The following PTPRZ1 variants were observed in gnomAD, a reference collection of about 807,000 sequenced individuals.
The protein encoded by PTPRZ1 is receptor-type tyrosine-protein phosphatase zeta.
PTPRZ1 carries 82 observed loss-of-function variants against 214.1 expected under a neutral mutation model. The observed-to-expected ratio is 0.38, with a 90% CI of 0.32 to 0.46. PTPRZ1 has a LOEUF of 0.46. PTPRZ1 is among the 20% of genes least tolerant of loss of function. PTPRZ1 has a pLI of 1.00. For synonymous variants in PTPRZ1, 945 were observed against 987.9 expected (o/e 0.96, Z 0.81); for missense variants, 2,603 against 2,748.7 (o/e 0.95, Z 1.19).
At chr7:122,017,546 T>TATTTATTTATTTATTA (rs1554363691) in intron 12 of PTPRZ1, among the ~76,000 whole-genome samples, 4 of 146,064 alleles carry the variant, frequency 2.7e-5, no homozygotes, top group African/African-American at 1.1e-4. Context: ...TACATTTATT[T>TATTTATTTATTTATTA]ATTTATTTAT....
chr7:122,036,548 G>T, intron 17 of PTPRZ1, 52 bp from the exon 18 acceptor site: 1 of 1,147,622 alleles, frequency 8.7e-7, no homozygotes, highest in Middle Eastern at 2.1e-4. Context: ...AATTATCTTT[G>T]TGCTGAAAAG....
chr7:122,047,040 G>A (rs867718842), intron 23 of PTPRZ1, among the ~76,000 whole-genome samples: 26 of 152,156 alleles, frequency 1.7e-4, no homozygotes, highest in African/African-American at 5.1e-4. Flanking sequence ...TCGGGACAGC[G>A]GAATATACTA....
In PTPRZ1 at chr7:121,891,451, C is replaced by CTTTTTTTTTTTTTTT. The variant is rs58135453; in HGVS notation, c.58+17910_58+17924dup. Reference sequence around the variant, plus strand: ...AAATATTTGTTGAATAAAACAACCTCTTTTTTTTTTTTTTTTTTTTTTTTT... The same window carrying CTTTTTTTTTTTTTTT: ...AAATATTTGTTGAATAAAACAACCTCTTTTTTTTTTTTTTTTTTTTTTTTTTTTTTTTTTTTTTTT... On this transcript the variant is annotated intron_variant, in intron 1 of 29. Transcript: ENST00000393386. Among the ~76,000 whole-genome samples, 130 of 35,744 alleles carry CTTTTTTTTTTTTTTT rather than the reference C, an allele frequency of 3.6e-3. 4 individuals carry two copies. Among genetic ancestry groups the CTTTTTTTTTTTTTTT allele is most frequent in the Non-Finnish European group, 4.9e-3 (94 of 19,364 alleles). The allele number at this position is 35,744 out of a possible 152,430, so 23.4% of individuals were successfully genotyped here.
At chr7:121,956,484 G>A (rs899999744) in intron 2 of PTPRZ1, among the ~76,000 whole-genome samples, 1 of 152,198 alleles carries the variant, frequency 6.6e-6, no homozygotes, top group Non-Finnish European at 1.5e-5. Flanking sequence ...TTCACATTTA[G>A]CATGTTTTTA....
intron 1 of PTPRZ1, among the ~76,000 whole-genome samples, chr7:121,906,383 TTAAAA>T (rs1268174950): frequency 2.0e-5 from 3 of 152,302 alleles, no homozygotes; most frequent in African/African-American, 7.2e-5. Flanking sequence ...GTAGTAGTAG[TTAAAA>T]TAAAACTATA....
At chr7:121,914,474 T>A (rs1206980064) in intron 1 of PTPRZ1, among the ~76,000 whole-genome samples, 2 of 152,166 alleles carry the variant, frequency 1.3e-5, no homozygotes, top group South Asian at 2.1e-4. Flanking sequence ...CTGGAGAGAA[T>A]GAAAGGCGTC....
At chr7:122,037,168 G>A (rs1320535377) in intron 18 of PTPRZ1, among the ~76,000 whole-genome samples, 3 of 151,918 alleles carry the variant, frequency 2.0e-5, no homozygotes, top group African/African-American at 4.8e-5. Context: ...CCAGCTACTC[G>A]GGAGGCTGAG....
At chr7:122,016,352 G>A (rs1798838202) in intron 12 of PTPRZ1, among the ~76,000 whole-genome samples, 1 of 151,338 alleles carries the variant, frequency 6.6e-6, no homozygotes, top group Non-Finnish European at 1.5e-5. Flanking sequence ...TTTTAATTTA[G>A]GTAACTCATA....
intron 5 of PTPRZ1, 32 bp downstream of exon 5, chr7:121,976,300 T>C: frequency 7.8e-7 from 1 of 1,285,580 alleles, no homozygotes; most frequent in Non-Finnish European, 1.1e-6. Context: ...CTAATGTAAT[T>C]CCTTTTTAAG....
chr7:122,058,385 T>A (rs907745112), intron 27 of PTPRZ1, among the ~76,000 whole-genome samples: 1 of 152,140 alleles, frequency 6.6e-6, no homozygotes, highest in East Asian at 1.9e-4. Flanking sequence ...TGTCATGCAA[T>A]CTTTTACTTA....
At position 121,997,947 on chromosome 7, in the gene PTPRZ1, A is replaced by G. The variant is rs756843356; in HGVS notation, c.1181A>G (p.Asn394Ser). Residue 394 changes from asparagine to serine, a missense_variant, in exon 10 of 30, where the codon AAT becomes AGT. Physicochemically the swap from Asn to Ser is conservative, Grantham distance 46. This residue lies in a region of PTPRZ1 where 244 missense variants were observed against 333.2 expected (regional missense o/e 0.73). Coordinates refer to ENST00000393386, the MANE Select transcript of PTPRZ1 (RefSeq NM_002851.3). Reference protein sequence around the residue: ...YVLQIVAICTNGLYGKYSDQL... With the variant: ...YVLQIVAICTSGLYGKYSDQL... ...CTTCAGATAGTAGCCATATGCACTA[A>G]TGGCTTATATGGAAAATACAGCGAC... is the stretch of plus-strand genomic sequence containing the variant. 4.3e-6 allele frequency: 7 copies of G among 1,612,938 alleles called. No individual in the cohort carries two copies. The highest frequency in any genetic ancestry group is 2.7e-5 in the African/African-American group (2 of 74,900).
intron 4 of PTPRZ1, among the ~76,000 whole-genome samples, chr7:121,974,473 T>C (rs1276413830): frequency 6.6e-6 from 1 of 152,136 alleles, no homozygotes; most frequent in Non-Finnish European, 1.5e-5. Flanking sequence ...CTCAGTGGTA[T>C]TGGGGTTTTG....
chr7:122,029,094 G>A (rs1584758355), intron 14 of PTPRZ1, among the ~76,000 whole-genome samples: 1 of 131,900 alleles, frequency 7.6e-6, no homozygotes, highest in South Asian at 2.4e-4. Context: ...TGTGAGAAAA[G>A]GGTTTTTTTT....
intron 2 of PTPRZ1, among the ~76,000 whole-genome samples, chr7:121,937,724 C>T (rs973228998): frequency 1.3e-5 from 2 of 152,284 alleles, no homozygotes; most frequent in African/African-American, 4.8e-5. Context: ...ACTTCATTCC[C>T]TTAGGGGATG....
At position 122,040,949 on chromosome 7, in the gene PTPRZ1, A is replaced by T. The variant is rs747111675; in HGVS notation, c.5771A>T (p.His1924Leu). Residue 1924 changes from histidine to leucine, a missense_variant, in exon 21 of 30, where the codon CAT (histidine) becomes CTT (leucine). Physicochemically the swap from His to Leu is moderately conservative, Grantham distance 99 (BLOSUM62 -3). Around this residue, in one of 6 missense-constraint regions of PTPRZ1, gnomAD observed 1,913 missense variants for 1,914.3 expected, o/e 1.00. Coordinates refer to ENST00000393386, the MANE Select transcript of PTPRZ1 (RefSeq NM_002851.3). ...AGAAAGGCAGCCTATGCCAAGCGCC[A>T]TGCAGTGGGGCCTGTTGTCGTCCAC... ...FVRKAAYAKR[H>L]AVGPVVVHCS... 5 of 1,587,452 alleles carry T rather than the reference A, an allele frequency of 3.1e-6. No homozygotes were observed. Among genetic ancestry groups the T allele is most frequent in the Non-Finnish European group, 1.7e-6 (2 of 1,160,622 alleles).
At chr7:121,907,719 T>G (rs1173587061) in intron 1 of PTPRZ1, among the ~76,000 whole-genome samples, 6 of 151,806 alleles carry the variant, frequency 4.0e-5, no homozygotes, top group Non-Finnish European at 8.8e-5. Flanking sequence ...ATTTTATATC[T>G]ACATTAGCTT....
chr7:121,966,137 A>G (rs1797040857), intron 2 of PTPRZ1, among the ~76,000 whole-genome samples: 1 of 152,216 alleles, frequency 6.6e-6, no homozygotes. Flanking sequence ...AGGGGATGTC[A>G]AAGACTGTGT....
chr7:121,886,592 T>C (rs915020688), intron 1 of PTPRZ1, among the ~76,000 whole-genome samples: 11 of 152,148 alleles, frequency 7.2e-5, no homozygotes. Flanking sequence ...AAACACTTTA[T>C]AATTATTACT....
chr7:121,937,097 A>C (rs1322133235), intron 2 of PTPRZ1, among the ~76,000 whole-genome samples: 6 of 152,216 alleles, frequency 3.9e-5, no homozygotes, highest in South Asian at 2.1e-4. Flanking sequence ...AGAGCTTCTA[A>C]CTACCACAGA....
Sources: gnomAD v4.1 joint callset for allele counts (sites outside exome capture counted in the v4.1 genomes callset) on GRCh38, gnomAD v4.1.1 for gene constraint, gnomAD v4.1.1 regional missense constraint, MANE v1.5 for transcripts, NCBI Gene and HGNC (gene_info 2026-07-23, HGNC 2026-07-21) for gene names.